NADSYN1: variants seen among roughly 807,000 people sequenced by gnomAD.
NADSYN1 encodes NAD synthetase 1.
Under a neutral mutation model 99.3 loss-of-function variants are expected in NADSYN1, and 80 were observed. That is an observed-to-expected ratio of 0.81 (90% CI 0.67 to 0.97). The LOEUF (loss-of-function observed/expected upper bound fraction) is 0.97, where lower values mean the gene tolerates loss of function less well. Ranked by LOEUF, NADSYN1 falls within the 50% of genes least tolerant of loss-of-function variation. The probability of loss-of-function intolerance (pLI) is 0.00; values close to 1 mark genes in which losing one functional copy is unlikely to be tolerated. For missense variants in NADSYN1, 859 were observed against 948.5 expected, an observed-to-expected ratio of 0.91 and a Z score of 1.24; for synonymous variants, 385 against 372.1, an observed-to-expected ratio of 1.03 and a Z score of -0.40.
intron 20 of NADSYN1, among the ~76,000 whole-genome samples, 180 bp from the exon 21 acceptor site, chr11:71,501,122 C>T (rs1029845164): frequency 3.9e-5 from 6 of 152,256 alleles, no homozygotes; most frequent in East Asian, 1.9e-4. Flanking sequence ...GACAGCTATG[C>T]GTGATCTGGA....
chr11:71,464,951 G>A (rs1459653838), intron 5 of NADSYN1, among the ~76,000 whole-genome samples: 1 of 150,730 alleles, frequency 6.6e-6, no homozygotes, highest in Non-Finnish European at 1.5e-5. Context: ...CCTGCCCCCA[G>A]ACCCTATTCT....
chr11:71,493,023 G>C (rs1262252922), intron 18 of NADSYN1, among the ~76,000 whole-genome samples: 1 of 152,060 alleles, frequency 6.6e-6, no homozygotes, highest in African/African-American at 2.4e-5. Flanking sequence ...GAGTAGCTGG[G>C]ATTATGGGTG....
At chr11:71,470,861 A>T (rs115653079) in intron 5 of NADSYN1, among the ~76,000 whole-genome samples, 415 of 152,134 alleles carry the variant, frequency 2.7e-3, no homozygotes, top group African/African-American at 9.5e-3. Flanking sequence ...CTTATCTTTC[A>T]TCTTCTTTCT....
intron 1 of NADSYN1, among the ~76,000 whole-genome samples, chr11:71,454,196 G>GATTAGATTATTATTATGATTATTATTA (rs1243715610): frequency 3.9e-5 from 6 of 152,168 alleles, no homozygotes; most frequent in Admixed American, 6.5e-5. Flanking sequence ...TAATCAGTAT[G>GATTAGATTATTATTATGATTATTATTA]TGCCCTGGAT....
Position 71,453,291 on chromosome 11 carries a change from G to A in NADSYN1, c.-6G>A. Reference sequence around the variant, plus strand: ...CTGGCCTCCTGCCCAAGCGACTGCGGCCAGGATGGGCCGGAAGGTGACCGT... The same window carrying A: ...CTGGCCTCCTGCCCAAGCGACTGCGACCAGGATGGGCCGGAAGGTGACCGT... On this transcript the variant is annotated 5_prime_UTR_variant, in exon 1 of 21. Transcript: ENST00000319023. The A allele has an allele frequency of 3.1e-6, 5 of 1,613,182 alleles. No individual in the cohort carries two copies. Among genetic ancestry groups the A allele is most frequent in the Non-Finnish European group, 4.2e-6 (5 of 1,179,508 alleles).
chr11:71,482,067 G>T, intron 13 of NADSYN1, 42 bp downstream of exon 13: 1 of 1,561,304 alleles, frequency 6.4e-7, no homozygotes, highest in Non-Finnish European at 8.7e-7. Flanking sequence ...CCAGGGTCCA[G>T]CCCTTGGGCT....
chr11:71,484,717 G>A (rs1949730781), intron 15 of NADSYN1: 1 of 450,308 alleles, frequency 2.2e-6, no homozygotes, highest in South Asian at 2.5e-5. Flanking sequence ...GTGTAAGGAT[G>A]TGCGTGCTCG....
intron 5 of NADSYN1, among the ~76,000 whole-genome samples, chr11:71,471,098 G>C (rs1185379363): frequency 6.6e-6 from 1 of 152,090 alleles, no homozygotes; most frequent in Non-Finnish European, 1.5e-5. Flanking sequence ...TAGGATTTCA[G>C]AGCATAAGTG....
At chr11:71,470,888 G>A (rs966415301) in intron 5 of NADSYN1, among the ~76,000 whole-genome samples, 6 of 151,942 alleles carry the variant, frequency 3.9e-5, no homozygotes, top group South Asian at 2.1e-4. Context: ...CACTGTCTTC[G>A]TTTATTTGTA....
intron 16 of NADSYN1, among the ~76,000 whole-genome samples, chr11:71,487,247 C>A (rs1565605395): frequency 1.3e-5 from 2 of 152,160 alleles, no homozygotes; most frequent in Non-Finnish European, 2.9e-5. Context: ...CATTGCTTTT[C>A]TGGTGCCTCT....
intron 3 of NADSYN1, among the ~76,000 whole-genome samples, chr11:71,462,825 T>G (rs1308619179): frequency 6.6e-6 from 1 of 152,142 alleles, no homozygotes; most frequent in Non-Finnish European, 1.5e-5. Context: ...ATCTTCCCCT[T>G]GTGCTGCCCT....
At chr11:71,486,033 T>C (rs1949740482) in intron 16 of NADSYN1, among the ~76,000 whole-genome samples, 2 of 152,170 alleles carry the variant, frequency 1.3e-5, no homozygotes, top group African/African-American at 4.8e-5. Flanking sequence ...CTGAAAATAC[T>C]CCCCTTCTCA....
At chr11:71,468,897 T>C (rs1949610167) in intron 5 of NADSYN1, among the ~76,000 whole-genome samples, 1 of 152,220 alleles carries the variant, frequency 6.6e-6, no homozygotes, top group Non-Finnish European at 1.5e-5. Flanking sequence ...GAAAAGTGCT[T>C]ATGGCTAACT....
rs576579751 is a variant in NADSYN1 at position 71,484,823 on chromosome 11, A to C, written c.1455+376A>C. The stretch of plus-strand genomic sequence containing the variant: ...AGGTTACATGAGTGTATGAGAGTAC[A>C]AGTGTGTGAATGTATGCACAAGTGT... On this transcript the variant is annotated intron_variant, in intron 15 of 20. Coordinates refer to ENST00000319023, the MANE Select transcript of NADSYN1 (RefSeq NM_018161.5). 4.7e-5 allele frequency: 11 copies of C among 233,414 alleles called. No homozygotes were observed. The South Asian group carries it at 6.9e-4, about 15-fold the overall frequency. The allele number at this position is 233,414 out of a possible 1,614,324, so 14.5% of individuals were successfully genotyped here. A position where few individuals can be genotyped will look rare whatever the true frequency, so the allele number is the denominator to read the frequency against.
At chr11:71,457,688 G>A (rs566122869) in intron 2 of NADSYN1, among the ~76,000 whole-genome samples, 53 of 152,244 alleles carry the variant, frequency 3.5e-4, no homozygotes, top group African/African-American at 1.0e-3. Context: ...AGGGTCCCTC[G>A]TGCCTTTCCC....
intron 5 of NADSYN1, among the ~76,000 whole-genome samples, chr11:71,469,565 G>A (rs372098263): frequency 7.2e-5 from 11 of 152,332 alleles, no homozygotes; most frequent in African/African-American, 2.6e-4. Flanking sequence ...ATTAAAACGG[G>A]AAACAAAGGG....
At chr11:71,472,329 C>A in intron 5 of NADSYN1, 120 bp from the exon 6 acceptor site, 1 of 824,476 alleles carries the variant, frequency 1.2e-6, no homozygotes, top group Non-Finnish European at 2.1e-6. Context: ...GAACGCTTGG[C>A]AGTTCCTTTG....
intron 4 of NADSYN1, 93 bp from the exon 5 acceptor site, chr11:71,463,960 G>A (rs1949568990): frequency 1.9e-6 from 2 of 1,043,206 alleles, no homozygotes; most frequent in Non-Finnish European, 2.9e-6. Flanking sequence ...GACTCTGCAT[G>A]GCATCACCTC....
intron 13 of NADSYN1, 102 bp downstream of exon 13, chr11:71,482,127 A>C: frequency 9.7e-7 from 1 of 1,033,292 alleles, no homozygotes; most frequent in Non-Finnish European, 1.4e-6. Flanking sequence ...CGTGCCATGG[A>C]CATCGGGGTG....
Sources: gnomAD v4.1 joint callset for allele counts (sites outside exome capture counted in the v4.1 genomes callset) on GRCh38, gnomAD v4.1.1 for gene constraint, MANE v1.5 for transcripts, NCBI Gene and HGNC (gene_info 2026-07-23, HGNC 2026-07-21) for gene names.